PHACTR1: variants seen among roughly 807,000 people sequenced by gnomAD.
PHACTR1 encodes the protein phosphatase and actin regulator 1, also known as RPEL repeat containing 1.
Under a neutral mutation model 69.2 loss-of-function variants are expected in PHACTR1, and 16 were observed. The observed-to-expected ratio is 0.23, with a 90% CI of 0.16 to 0.35. The LOEUF (loss-of-function observed/expected upper bound fraction) is 0.35. PHACTR1 is among the 10% of genes least tolerant of loss of function. The pLI is 1.00. For missense variants in PHACTR1, 510 were observed against 734.7 expected (o/e 0.69, Z 3.54); for synonymous variants, 312 against 284.5 (o/e 1.10, Z -0.97).
chr6:13,024,327 G>A (rs1203504610), intron 4 of PHACTR1, among the ~76,000 whole-genome samples: 3 of 152,124 alleles, frequency 2.0e-5, no homozygotes, highest in Non-Finnish European at 2.9e-5. Flanking sequence ...CTGTTTATGG[G>A]CAACTGTTTG....
intron 4 of PHACTR1, among the ~76,000 whole-genome samples, chr6:12,976,530 A>G (rs1320684730): frequency 6.6e-6 from 1 of 152,168 alleles, no homozygotes; most frequent in Non-Finnish European, 1.5e-5. Flanking sequence ...CCCCATTGCT[A>G]TAGTCTTTCC....
At chr6:12,758,991 G>A (rs940399872) in intron 4 of PHACTR1, among the ~76,000 whole-genome samples, 2 of 151,776 alleles carry the variant, frequency 1.3e-5, no homozygotes, top group African/African-American at 4.8e-5. Flanking sequence ...AGGCATGGTG[G>A]CACATGCCTG....
At chr6:13,167,037 A>T (rs1759911032) in intron 6 of PHACTR1, among the ~76,000 whole-genome samples, 1 of 152,208 alleles carries the variant, frequency 6.6e-6, no homozygotes, top group African/African-American at 2.4e-5. Flanking sequence ...CTAGCTACTG[A>T]TTATTCCAAT....
chr6:12,766,354 C>T (rs985667461), intron 4 of PHACTR1, among the ~76,000 whole-genome samples: 1 of 152,146 alleles, frequency 6.6e-6, no homozygotes, highest in Non-Finnish European at 1.5e-5. Context: ...TTACCTATTC[C>T]AGTGAACACA....
intron 8 of PHACTR1, among the ~76,000 whole-genome samples, chr6:13,223,723 G>A (rs1168663815): frequency 6.6e-6 from 1 of 152,046 alleles, no homozygotes; most frequent in Non-Finnish European, 1.5e-5. Flanking sequence ...TACCCTTTCA[G>A]AGCTTCAATT....
intron 4 of PHACTR1, among the ~76,000 whole-genome samples, chr6:12,997,095 G>A (rs1208085647): frequency 6.6e-6 from 1 of 151,824 alleles, no homozygotes; most frequent in Non-Finnish European, 1.5e-5. Flanking sequence ...AACCTGGGAG[G>A]TGGGAGTTGC....
At chr6:13,176,281 CAT>C (rs1334732845) in intron 6 of PHACTR1, among the ~76,000 whole-genome samples, 2 of 152,198 alleles carry the variant, frequency 1.3e-5, no homozygotes, top group East Asian at 3.8e-4. Flanking sequence ...AACCTGCACT[CAT>C]ATTTCATTTT....
chr6:12,869,321 C>A (rs1160219397), intron 4 of PHACTR1, among the ~76,000 whole-genome samples: 3 of 152,216 alleles, frequency 2.0e-5, no homozygotes, highest in Non-Finnish European at 4.4e-5. Flanking sequence ...CTAATCCAGT[C>A]CTGTCTCACA....
rs56712240 is a variant in PHACTR1, at chr6:12,865,459, T to G, written c.250+115669T>G. Among the ~76,000 whole-genome samples, 1,211 of 30,798 alleles carry G rather than the reference T, an allele frequency of 0.039. 50 individuals are homozygous for G. The East Asian group carries it at 0.53, about 13-fold the overall frequency. 20.2% of individuals were successfully genotyped at this position (30,798 alleles called of 152,430 possible). ...AGATACCATGTAATTGTTTAATGGG[T>G]GTGTGTGTGTGTGTGTGTGTGCCTG... On this transcript the variant is annotated intron_variant, in intron 4 of 14. Coordinates refer to ENST00000332995, the MANE Select transcript of PHACTR1 (RefSeq NM_030948.6).
intron 4 of PHACTR1, among the ~76,000 whole-genome samples, chr6:12,754,486 G>A (rs1342133613): frequency 6.6e-6 from 1 of 152,160 alleles, no homozygotes; most frequent in Non-Finnish European, 1.5e-5. Flanking sequence ...GTATTTGGTA[G>A]GCAGAATTCA....
chr6:13,139,328 C>T (rs979116552), intron 5 of PHACTR1, among the ~76,000 whole-genome samples: 2 of 152,168 alleles, frequency 1.3e-5, no homozygotes, highest in Admixed American at 6.5e-5. Flanking sequence ...GCAGCTGCTA[C>T]AGATGAATTG....
intron 4 of PHACTR1, among the ~76,000 whole-genome samples, chr6:12,982,757 A>G (rs1290814620): frequency 2.0e-5 from 3 of 152,210 alleles, no homozygotes; most frequent in Non-Finnish European, 4.4e-5. Context: ...CTTGAAATTG[A>G]ACAACTGGGG....
intron 4 of PHACTR1, among the ~76,000 whole-genome samples, chr6:13,018,060 A>G (rs1207795042): frequency 6.6e-6 from 1 of 152,206 alleles, no homozygotes; most frequent in East Asian, 1.9e-4. Context: ...AGAAACATTT[A>G]GCATATTTTC....
At chr6:12,954,843 C>A (rs1791688381) in intron 4 of PHACTR1, among the ~76,000 whole-genome samples, 1 of 152,116 alleles carries the variant, frequency 6.6e-6, no homozygotes, top group Non-Finnish European at 1.5e-5. Flanking sequence ...TAGGGATAGA[C>A]AAATTTGTTC....
intron 7 of PHACTR1, among the ~76,000 whole-genome samples, chr6:13,197,339 C>G (rs906473540): frequency 6.6e-6 from 1 of 152,186 alleles, no homozygotes; most frequent in East Asian, 1.9e-4. Flanking sequence ...GGCTAGATTT[C>G]AACCCTAAGG....
chr6:12,752,626 A>G (rs1171830597), intron 4 of PHACTR1, among the ~76,000 whole-genome samples: 1 of 152,234 alleles, frequency 6.6e-6, no homozygotes, highest in African/African-American at 2.4e-5. Context: ...GCTGTCACTA[A>G]ATCATTAAAC....
At chr6:13,214,323 G>A (rs1207740656) in intron 8 of PHACTR1, 2 of 151,990 alleles carry the variant, frequency 1.3e-5, no homozygotes, top group African/African-American at 2.4e-5. Flanking sequence ...TAGAAACAAC[G>A]TACAAAGTTC....
intron 12 of PHACTR1, among the ~76,000 whole-genome samples, chr6:13,278,546 C>T (rs958795054): frequency 6.6e-6 from 1 of 152,222 alleles, no homozygotes; most frequent in Non-Finnish European, 1.5e-5. Flanking sequence ...TTTTGTGACA[C>T]CCACCTACTT....
rs111295148 is a variant in PHACTR1, at chr6:13,042,984, G to A, written c.251-10381G>A. 9.4e-3 allele frequency among the ~76,000 whole-genome samples: 1,425 copies of A among 152,284 alleles called. 18 individuals carry two copies. The highest frequency in any genetic ancestry group is 0.013 in the Non-Finnish European group (905 of 68,020). ...AGTAAAAAAGAGAATTTATTACTTC[G>A]TGTAAGGAAAATATTCAGGGTTATA... is the stretch of plus-strand genomic sequence containing the variant. On this transcript the variant is annotated intron_variant, in intron 4 of 14. Transcript: ENST00000332995.
Sources: allele counts gnomAD v4.1 joint callset (sites outside exome capture counted in the v4.1 genomes callset), GRCh38; gene constraint gnomAD v4.1.1; transcripts MANE v1.5; gene names NCBI Gene and HGNC (gene_info 2026-07-23, HGNC 2026-07-21).